Variants in EYS observed in about 807,000 individuals in gnomAD.
EYS encodes the protein protein eyes shut homolog.
A neutral mutation model predicts 282.1 loss-of-function variants in EYS; 250 were observed. The ratio of observed to expected loss-of-function variants is 0.89; its 90% CI spans 0.80 to 0.98. The LOEUF (loss-of-function observed/expected upper bound fraction) is 0.98. Ranked by LOEUF, EYS falls within the 50% of genes least tolerant of loss-of-function variation. The probability of loss-of-function intolerance (pLI) is 0.00; values close to 1 mark genes in which losing one functional copy is unlikely to be tolerated. For synonymous variants in EYS, 1,355 were observed against 1,282.9 expected (o/e 1.06, Z -1.20); for missense variants, 4,016 against 3,709.0 (o/e 1.08, Z -2.15).
intron 37 of EYS, among the ~76,000 whole-genome samples, chr6:63,799,168 C>T (rs1409000851): frequency 1.3e-5 from 2 of 151,224 alleles, no homozygotes; most frequent in Admixed American, 6.6e-5. Flanking sequence ...TGCCTGCCAC[C>T]ACACCCAGCT....
chr6:65,398,884 C>T (rs571015256), intron 7 of EYS, among the ~76,000 whole-genome samples: 1 of 152,228 alleles, frequency 6.6e-6, no homozygotes, highest in South Asian at 2.1e-4. Flanking sequence ...TATTAGAAAA[C>T]TGTTAAGGTT....
intron 2 of EYS, among the ~76,000 whole-genome samples, chr6:65,508,469 C>G (rs1022123507): frequency 6.6e-6 from 1 of 151,682 alleles, no homozygotes; most frequent in Non-Finnish European, 1.5e-5. Context: ...GTCAGGAGAT[C>G]GAGACCATCC....
chr6:63,783,991 G>A (rs1055606021), intron 39 of EYS, among the ~76,000 whole-genome samples: 3 of 151,980 alleles, frequency 2.0e-5, no homozygotes, highest in Non-Finnish European at 2.9e-5. Flanking sequence ...GACCTAAATG[G>A]AACAAAAAAG....
intron 35 of EYS, among the ~76,000 whole-genome samples, chr6:63,971,730 C>T (rs895265525): frequency 6.6e-6 from 1 of 152,162 alleles, no homozygotes; most frequent in African/African-American, 2.4e-5. Context: ...CACAATCCCA[C>T]CACATAGGTC....
chr6:65,479,999 C>CA (rs71002309), intron 5 of EYS, among the ~76,000 whole-genome samples: 41,358 of 126,102 alleles, frequency 0.33, 6,277 homozygotes, highest in East Asian at 0.49. Flanking sequence ...ACTAAAAATA[C>CA]AAAAAAAAAA....
chr6:65,047,377 T>A (rs759354478), intron 13 of EYS, among the ~76,000 whole-genome samples: 19 of 151,836 alleles, frequency 1.3e-4, no homozygotes, highest in Non-Finnish European at 2.4e-4. Context: ...CTTGACAAAG[T>A]CCAATTTATT....
chr6:63,897,895 G>A (rs544828031), intron 35 of EYS, among the ~76,000 whole-genome samples: 1 of 152,250 alleles, frequency 6.6e-6, no homozygotes, highest in East Asian at 1.9e-4. Flanking sequence ...AGATTGTAAA[G>A]CAGGGAAGTG....
chr6:64,857,945 G>T (rs1297966801), intron 19 of EYS, among the ~76,000 whole-genome samples: 1 of 151,866 alleles, frequency 6.6e-6, no homozygotes, highest in African/African-American at 2.4e-5. Flanking sequence ...TTTTAAATTA[G>T]GTTGTTTTCT....
chr6:64,955,537 C>T (rs144399327), intron 14 of EYS, among the ~76,000 whole-genome samples: 384 of 152,226 alleles, frequency 2.5e-3, no homozygotes, highest in Middle Eastern at 0.01. Flanking sequence ...AGAACTTCCT[C>T]TTATACCAGG....
chr6:64,288,594 T>C (rs1437981420), intron 30 of EYS, among the ~76,000 whole-genome samples: 1 of 152,160 alleles, frequency 6.6e-6, no homozygotes, highest in Non-Finnish European at 1.5e-5. Flanking sequence ...CCAGACAGCA[T>C]CTGGCCTGAT....
chr6:64,887,287 G>A (rs1332499644), intron 18 of EYS, among the ~76,000 whole-genome samples: 2 of 128,280 alleles, frequency 1.6e-5, no homozygotes, highest in African/African-American at 5.7e-5. Context: ...TTGTGGGGTG[G>A]GGGGAGGGGG....
chr6:64,901,026 T>A (rs539223281), intron 18 of EYS, among the ~76,000 whole-genome samples: 4 of 147,420 alleles, frequency 2.7e-5, no homozygotes, highest in African/African-American at 5.1e-5. Context: ...AAAAAAAAAA[T>A]GTGACACATA....
intron 12 of EYS, among the ~76,000 whole-genome samples, chr6:65,202,866 T>C (rs1451388811): frequency 6.6e-6 from 1 of 152,150 alleles, no homozygotes; most frequent in Admixed American, 6.5e-5. Context: ...GCCAGCTCTG[T>C]GGTGCAGGAG....
chr6:63,862,500 A>G (rs1772560896), intron 36 of EYS, among the ~76,000 whole-genome samples: 1 of 152,132 alleles, frequency 6.6e-6, no homozygotes, highest in Non-Finnish European at 1.5e-5. Context: ...ACATCCTTGC[A>G]TCTTTGAAAC....
rs1176232345 is a variant in EYS at position 64,092,162 on chromosome 6, T to C, written c.6425-10160A>G. Among the ~76,000 whole-genome samples the C allele has an allele frequency of 2.0e-5, 3 of 152,194 alleles. No individual in the cohort carries two copies. In the East Asian group the frequency reaches 5.8e-4, roughly 29 times the overall value. On this transcript the variant is annotated intron_variant, in intron 31 of 42. Transcript: ENST00000503581. ...AATCCAGTCTATCATTGTTGGACATTTGGGTTGGTTCCAAGTCTTTGCTAT... is the reference window on the plus strand; with the variant it reads ...AATCCAGTCTATCATTGTTGGACATCTGGGTTGGTTCCAAGTCTTTGCTAT...
intron 12 of EYS, among the ~76,000 whole-genome samples, chr6:65,181,245 G>C (rs1765375035): frequency 6.6e-6 from 1 of 152,020 alleles, no homozygotes; most frequent in African/African-American, 2.4e-5. Flanking sequence ...CACAGCAAAA[G>C]AAACTACCAT....
At position 64,012,565 on chromosome 6, in the gene EYS, C is replaced by T. The variant is rs570796076; in HGVS notation, c.6726-13382G>A. Among the ~76,000 whole-genome samples, 33 of 152,268 alleles carry T rather than the reference C, an allele frequency of 2.2e-4. 1 individual carries two copies. The highest frequency in any genetic ancestry group is 5.9e-4 in the Admixed American group (9 of 15,302). ...ACAGGGAAACATGGAAAATATATTT[C>T]AAAAATTAGACATTAGGCAGTATGG... is the stretch of plus-strand genomic sequence containing the variant. On this transcript the variant is annotated intron_variant, in intron 33 of 42. Transcript: ENST00000503581.
intron 2 of EYS, among the ~76,000 whole-genome samples, chr6:65,604,753 G>A (rs914397721): frequency 4.6e-5 from 7 of 151,652 alleles, no homozygotes; most frequent in African/African-American, 7.3e-5. Context: ...TGGATTGTTT[G>A]TGCCACGAGT....
chr6:64,275,618 G>A (rs562556699), intron 30 of EYS, among the ~76,000 whole-genome samples: 1 of 149,994 alleles, frequency 6.7e-6, no homozygotes, highest in Admixed American at 6.7e-5. Flanking sequence ...TGGTTTCACC[G>A]TGTTAGCCAG....
Sources: allele counts gnomAD v4.1 joint callset (sites outside exome capture counted in the v4.1 genomes callset), GRCh38; gene constraint gnomAD v4.1.1; transcripts MANE v1.5; gene names NCBI Gene and HGNC (gene_info 2026-07-23, HGNC 2026-07-21).